IGHMBP2: variants seen among roughly 807,000 people sequenced by gnomAD.
IGHMBP2 encodes the protein DNA-binding protein SMUBP-2.
A neutral mutation model predicts 96.0 loss-of-function variants in IGHMBP2; 81 were observed. The ratio of observed to expected loss-of-function variants is 0.84; its 90% CI spans 0.71 to 1.01. The LOEUF (loss-of-function observed/expected upper bound fraction) is 1.01, where lower values mean the gene tolerates loss of function less well. Among genes scored for constraint, IGHMBP2 ranks in the 50% least tolerant of loss-of-function variants. IGHMBP2 has a pLI of 0.00. For synonymous variants in IGHMBP2, 557 were observed against 548.9 expected, an observed-to-expected ratio of 1.01 and a Z score of -0.21; for missense variants, 1,227 against 1,306.3, an observed-to-expected ratio of 0.94 and a Z score of 0.94.
chr11:68,936,704 A>T lies in IGHMBP2; in HGVS notation c.2224A>T (p.Met742Leu). 6 of 1,614,080 alleles carry T rather than the reference A, an allele frequency of 3.7e-6. No individual in the cohort carries two copies. Among genetic ancestry groups the T allele is most frequent in the Non-Finnish European group, 5.1e-6 (6 of 1,180,038 alleles). The change falls in exon 13 of 15, where the codon ATG becomes TTG. Residue 742 changes from methionine (M) to leucine (L), a missense_variant. Met to Leu is a conservative substitution (Grantham distance 15). Coordinates refer to ENST00000255078, the MANE Select transcript of IGHMBP2 (RefSeq NM_002180.3). ...AGTGGAGTTCATGGCCAGCAAGAAGATGCAGTTGGAGTTTCCTCCTTCCCT... is the reference window on the plus strand; with the variant it reads ...AGTGGAGTTCATGGCCAGCAAGAAGTTGCAGTTGGAGTTTCCTCCTTCCCT... ...MIVEFMASKKMQLEFPPSLNS... is the reference protein window; with the variant it reads ...MIVEFMASKKLQLEFPPSLNS...
At chr11:68,917,981 T>G in intron 7 of IGHMBP2, 98 bp downstream of exon 7, 3 of 1,381,178 alleles carry the variant, frequency 2.2e-6, no homozygotes, top group Non-Finnish European at 3.1e-6. Context: ...AGAATTGGTA[T>G]TTCTTTCTTA....
Position 68,939,931 on chromosome 11 carries a change from G to A in IGHMBP2, c.*200G>A, listed in dbSNP as rs972224151. On this transcript the variant is annotated 3_prime_UTR_variant, in exon 15 of 15. Transcript: ENST00000255078. ...TGTCACAATGTGGAGGAAAGCACCT[G>A]GGGGACAACAGTGCTCGTGCAGGTG... 13 of 613,700 alleles carry A rather than the reference G, an allele frequency of 2.1e-5. No individual in the cohort carries two copies. Among genetic ancestry groups the A allele is most frequent in the African/African-American group, 2.0e-4 (11 of 53,964 alleles). 38.0% of individuals were successfully genotyped at this position (613,700 alleles called of 1,614,324 possible).
In IGHMBP2 at chr11:68,936,677, A is replaced by G; in HGVS notation, c.2197A>G (p.Ile733Val). The change falls in exon 13 of 15, where the codon ATA (isoleucine) becomes GTA (valine). Residue 733 changes from isoleucine to valine, a missense_variant. Transcript: ENST00000255078. ...TGGCGTGGACCACTTCCGGGCCATG[A>G]TAGTGGAGTTCATGGCCAGCAAGAA... is the stretch of plus-strand genomic sequence containing the variant. ...QDGVDHFRAMIVEFMASKKMQ... is the reference protein window; with the variant it reads ...QDGVDHFRAMVVEFMASKKMQ... 4 of 1,614,042 alleles carry G rather than the reference A, an allele frequency of 2.5e-6. No individual in the cohort carries two copies. Among genetic ancestry groups the G allele is most frequent in the Non-Finnish European group, 3.4e-6 (4 of 1,180,030 alleles).
rs567752659 is a variant in IGHMBP2, at chr11:68,936,132, C to T, written c.1757-105C>T. The stretch of plus-strand genomic sequence containing the variant: ...GCACCCGTGTGGATGGTGGGCCACG[C>T]GCAGGGGACTACACTTTTGGTGGTG... On this transcript the variant is annotated intron_variant, in intron 12 of 14. Transcript: ENST00000255078. 1.1e-4 allele frequency: 151 copies of T among 1,347,624 alleles called. No individual in the cohort carries two copies. In the African/African-American group the frequency reaches 1.2e-3, roughly 10 times the overall value. 83.5% of individuals were successfully genotyped at this position (1,347,624 alleles called of 1,614,324 possible).
intron 7 of IGHMBP2, among the ~76,000 whole-genome samples, chr11:68,918,123 A>T (rs1288864208): frequency 2.6e-5 from 4 of 152,208 alleles, no homozygotes; most frequent in Admixed American, 1.3e-4. Context: ...ATGAGCTTGT[A>T]GCTTTCAAGA....
In IGHMBP2 at chr11:68,935,327, A is replaced by G. The variant is rs900941609; in HGVS notation, c.1661A>G (p.His554Arg). ...GACCTGCTCAGACAGAGCCTTGTGC[A>G]CAGGCACCCTGAGCTTGAAATCAAG... is the stretch of plus-strand genomic sequence containing the variant. ...QVDLLRQSLV[H>R]RHPELEIKSV... Residue 554 changes from histidine (H) to arginine (R), a missense_variant, in exon 12 of 15, where the codon CAC becomes CGC. This residue lies in a region of IGHMBP2 where 703 missense variants were observed against 770.3 expected (regional missense o/e 0.91). Transcript: ENST00000255078. 18 of 1,614,162 alleles carry G rather than the reference A, an allele frequency of 1.1e-5. No individual in the cohort carries two copies. Among genetic ancestry groups the G allele is most frequent in the Non-Finnish European group, 1.5e-5 (18 of 1,180,030 alleles).
intron 7 of IGHMBP2, chr11:68,926,365 G>C (rs1859071261): frequency 6.8e-6 from 1 of 148,096 alleles, no homozygotes; most frequent in Non-Finnish European, 1.5e-5. Flanking sequence ...CTGCCTCCCA[G>C]GTTCAAGCAA....
At chr11:68,933,622 G>A in intron 9 of IGHMBP2, 141 bp downstream of exon 9, 1 of 1,183,708 alleles carries the variant, frequency 8.4e-7, no homozygotes. Context: ...AGAGAGGGTG[G>A]CCTTGCCCTG....
chr11:68,907,327 T>C (rs913006665), intron 2 of IGHMBP2, among the ~76,000 whole-genome samples: 4 of 152,210 alleles, frequency 2.6e-5, no homozygotes, highest in Admixed American at 6.5e-5. Context: ...TGGGCAGCCT[T>C]GGTCCAGCTG....
chr11:68,919,742 ACT>A (rs367838152), intron 7 of IGHMBP2, among the ~76,000 whole-genome samples: 5 of 151,230 alleles, frequency 3.3e-5, no homozygotes, highest in African/African-American at 9.7e-5. Context: ...ATCTTTGGAA[ACT>A]CTTTTACTGG....
rs117061430 is a variant in IGHMBP2 at position 68,906,133 on chromosome 11, C to G, written c.151C>G (p.Gln51Glu). 5.9e-3 allele frequency: 9,594 copies of G among 1,614,180 alleles called. 47 individuals carry two copies. The highest frequency in any genetic ancestry group is 6.6e-3 in the Non-Finnish European group (7,751 of 1,180,020). The change falls in exon 2 of 15, where the codon CAG (glutamine) becomes GAG (glutamate). Residue 51 changes from glutamine (Q) to glutamate (E), a missense_variant. Gln to Glu is a conservative substitution (Grantham distance 29). Transcript: ENST00000255078. ...QSRGVCLLKL[Q>E]VSSQRTGLYG... is the part of the protein sequence containing the mutation. ...CCGAGGCGTGTGTTTGCTGAAGCTG[C>G]AGGTATCCAGCCAGCGCACTGGGCT...
At chr11:68,913,070 C>CAAAAAAAAAAAAAAAAAAAAAAAA (rs1858507018) in intron 5 of IGHMBP2, among the ~76,000 whole-genome samples, 2 of 106,824 alleles carry the variant, frequency 1.9e-5, no homozygotes, top group African/African-American at 3.4e-5. Context: ...AAAAAAAAAC[C>CAAAAAAAAAAAAAAAAAAAAAAAA]AAAAAAACCA....
chr11:68,910,612 G>A (rs1192990114), intron 4 of IGHMBP2, among the ~76,000 whole-genome samples: 1 of 152,170 alleles, frequency 6.6e-6, no homozygotes, highest in Non-Finnish European at 1.5e-5. Context: ...GGCCAGGCGC[G>A]GTGGCTCACA....
chr11:68,924,673 T>C (rs685320), intron 7 of IGHMBP2, among the ~76,000 whole-genome samples: 72,068 of 152,184 alleles, frequency 0.47, 17,856 homozygotes, highest in Middle Eastern at 0.56. Context: ...GCAAGAGACA[T>C]AGTCTCCTAG....
chr11:68,912,869 G>A (rs1300891325), intron 5 of IGHMBP2, among the ~76,000 whole-genome samples: 1 of 150,940 alleles, frequency 6.6e-6, no homozygotes. Flanking sequence ...GTGAAACCCC[G>A]TCTCTACTAA....
rs71043470 is a variant in IGHMBP2 at position 68,915,166 on chromosome 11, CTTTTTTTTT to C, written c.912+165_912+173del. Reference sequence around the variant, plus strand: ...TAATAATTTTAAAAATTGGGCTGCCCTTTTTTTTTTTTTTTTTTTTTTTTTTTTTTGTGA... The same window carrying C: ...TAATAATTTTAAAAATTGGGCTGCCCTTTTTTTTTTTTTTTTTTTTTGTGA... On this transcript the variant is annotated intron_variant, in intron 6 of 14. Coordinates refer to ENST00000255078, the MANE Select transcript of IGHMBP2 (RefSeq NM_002180.3). 813 of 206,038 alleles carry C rather than the reference CTTTTTTTTT, an allele frequency of 3.9e-3. 2 individuals are homozygous for C. The highest frequency in any genetic ancestry group is 0.025 in the African/African-American group (454 of 18,182). The allele number at this position is 206,038 out of a possible 1,614,324, so 12.8% of individuals were successfully genotyped here. A position where few individuals can be genotyped will look rare whatever the true frequency, so the allele number is the denominator to read the frequency against.
intron 2 of IGHMBP2, among the ~76,000 whole-genome samples, chr11:68,907,855 A>G (rs1232731311): frequency 3.3e-5 from 5 of 151,948 alleles, no homozygotes. Flanking sequence ...ACGCCTGGCT[A>G]ATTTTTTGTA....
chr11:68,907,837 C>T (rs1858261942), intron 2 of IGHMBP2, among the ~76,000 whole-genome samples: 1 of 151,806 alleles, frequency 6.6e-6, no homozygotes, highest in African/African-American at 2.4e-5. Flanking sequence ...CCACAGGTGC[C>T]CGCCACCACG....
Position 68,935,279 on chromosome 11 carries a change from C to T in IGHMBP2, c.1633-20C>T. ...CTGGCATGGGTGGGTGAGGAAACCACAGCCCGGCTGGTGTTTCAGGTGGAC... is the reference window on the plus strand; with the variant it reads ...CTGGCATGGGTGGGTGAGGAAACCATAGCCCGGCTGGTGTTTCAGGTGGAC... On this transcript the variant is annotated intron_variant, in intron 11 of 14. Coordinates refer to ENST00000255078, the MANE Select transcript of IGHMBP2 (RefSeq NM_002180.3). The T allele has an allele frequency of 1.2e-6, 2 of 1,613,482 alleles. No individual in the cohort carries two copies. The highest frequency in any genetic ancestry group is 1.7e-4 in the Middle Eastern group (1 of 5,966).
Sources: allele counts gnomAD v4.1 joint callset (sites outside exome capture counted in the v4.1 genomes callset), GRCh38; gene constraint gnomAD v4.1.1; regional missense constraint gnomAD v4.1.1; transcripts MANE v1.5; gene names NCBI Gene and HGNC (gene_info 2026-07-23, HGNC 2026-07-21).